Variants in MAP2K4 observed in about 807,000 individuals in gnomAD.
The protein encoded by MAP2K4 is mitogen-activated protein kinase kinase 4.
Under a neutral mutation model 48.5 loss-of-function variants are expected in MAP2K4, and 4 were observed. The observed-to-expected ratio is 0.08, with a 90% CI of 0.04 to 0.19. The LOEUF (loss-of-function observed/expected upper bound fraction) is 0.19, where lower values mean the gene tolerates loss of function less well. MAP2K4 is among the 10% of genes least tolerant of loss of function. The probability of loss-of-function intolerance (pLI) is 1.00; values close to 1 mark genes in which losing one functional copy is unlikely to be tolerated. For synonymous variants in MAP2K4, 166 were observed against 173.1 expected (o/e 0.96, Z 0.32); for missense variants, 258 against 493.3 (o/e 0.52, Z 4.52).
intron 2 of MAP2K4, among the ~76,000 whole-genome samples, chr17:12,070,499 G>A (rs1363963761): frequency 1.3e-5 from 2 of 152,144 alleles, no homozygotes; most frequent in East Asian, 1.9e-4. Flanking sequence ...TCTGGAAACA[G>A]AACTATAGGA....
chr17:12,054,212 T>G (rs1183335365), intron 1 of MAP2K4, among the ~76,000 whole-genome samples: 1 of 152,172 alleles, frequency 6.6e-6, no homozygotes, highest in Non-Finnish European at 1.5e-5. Flanking sequence ...CTTGGATTGA[T>G]AAGTTTATGT....
At chr17:12,128,376 C>T (rs1972922515) in intron 8 of MAP2K4, among the ~76,000 whole-genome samples, 1 of 152,156 alleles carries the variant, frequency 6.6e-6, no homozygotes, top group Non-Finnish European at 1.5e-5. Flanking sequence ...TGTGCCCGGC[C>T]TAATTGGTAG....
At chr17:12,068,992 A>G (rs907438765) in intron 2 of MAP2K4, among the ~76,000 whole-genome samples, 1 of 152,168 alleles carries the variant, frequency 6.6e-6, no homozygotes, top group Non-Finnish European at 1.5e-5. Flanking sequence ...AGAAAATCTA[A>G]CATTTAGAGG....
intron 10 of MAP2K4, 59 bp downstream of exon 10, chr17:12,139,943 G>T: frequency 1.6e-6 from 2 of 1,229,782 alleles, no homozygotes; most frequent in South Asian, 1.9e-5. Context: ...CTCTTAACAT[G>T]CTGGTTCACT....
At chr17:12,056,381 T>A (rs537645460) in intron 2 of MAP2K4, among the ~76,000 whole-genome samples, 1 of 152,194 alleles carries the variant, frequency 6.6e-6, no homozygotes, top group East Asian at 1.9e-4. Context: ...CAAAATTTTT[T>A]AAAAAATAGT....
intron 2 of MAP2K4, among the ~76,000 whole-genome samples, chr17:12,063,221 C>T (rs766654049): frequency 1.3e-5 from 2 of 152,148 alleles, no homozygotes; most frequent in African/African-American, 2.4e-5. Context: ...TCAAGGTTAT[C>T]TGTAACACAG....
At chr17:12,053,502 A>G (rs1006737176) in intron 1 of MAP2K4, among the ~76,000 whole-genome samples, 1 of 149,228 alleles carries the variant, frequency 6.7e-6, no homozygotes, top group Non-Finnish European at 1.5e-5. Context: ...CCCAAGGTTC[A>G]ATTTTTTTTT....
At position 12,022,871 on chromosome 17, in the gene MAP2K4, C is replaced by T. The variant is rs1373885919; in HGVS notation, c.115+1870C>T. On this transcript the variant is annotated intron_variant, in intron 1 of 10. Coordinates refer to ENST00000353533, the MANE Select transcript of MAP2K4 (RefSeq NM_003010.4). ...GAGAAGGCTTGTCTGGAAAGCTAAC[C>T]CTCTTTTACCTGAAGACGGTTCTAG... Among the ~76,000 whole-genome samples the T allele has an allele frequency of 2.6e-5, 4 of 152,266 alleles. No homozygotes were observed. In the East Asian group the frequency reaches 7.7e-4, roughly 29 times the overall value.
intron 4 of MAP2K4, among the ~76,000 whole-genome samples, chr17:12,100,603 G>A (rs1971907479): frequency 6.6e-6 from 1 of 152,114 alleles, no homozygotes; most frequent in Non-Finnish European, 1.5e-5. Context: ...GGATCATATG[G>A]TAGGTGTATG....
chr17:12,034,747 G>A (rs1020257934), intron 1 of MAP2K4, among the ~76,000 whole-genome samples: 3 of 152,204 alleles, frequency 2.0e-5, no homozygotes, highest in Admixed American at 6.5e-5. Flanking sequence ...GGTGAGGATG[G>A]TGCAGGAGTG....
At chr17:12,026,568 G>C (rs980470785) in intron 1 of MAP2K4, among the ~76,000 whole-genome samples, 1 of 152,150 alleles carries the variant, frequency 6.6e-6, no homozygotes, top group Non-Finnish European at 1.5e-5. Context: ...ATAGATGAGG[G>C]GGTAGACGTT....
intron 1 of MAP2K4, among the ~76,000 whole-genome samples, chr17:12,022,903 G>A (rs1969134612): frequency 6.6e-6 from 1 of 152,214 alleles, no homozygotes; most frequent in Non-Finnish European, 1.5e-5. Context: ...CTAGGCAGAG[G>A]AACTGTGTGT....
At chr17:12,139,994 A>T in intron 10 of MAP2K4, 110 bp downstream of exon 10, 1 of 620,820 alleles carries the variant, frequency 1.6e-6, no homozygotes, top group Admixed American at 3.0e-5. Context: ...AAACATCTCA[A>T]ATTTATTGAG....
intron 2 of MAP2K4, among the ~76,000 whole-genome samples, chr17:12,078,766 A>T (rs564003780): frequency 6.0e-4 from 91 of 152,268 alleles, no homozygotes; most frequent in African/African-American, 2.1e-3. Context: ...TTAGGACAGA[A>T]ATTGATTGAC....
chr17:12,021,335 C>T (rs1161344780), intron 1 of MAP2K4: 2 of 167,658 alleles, frequency 1.2e-5, no homozygotes, highest in African/African-American at 2.4e-5. Flanking sequence ...GGCGCCCGCC[C>T]GGCCCCCGTT....
At chr17:12,129,069 G>A in intron 8 of MAP2K4, 70 bp from the exon 9 acceptor site, 2 of 1,486,082 alleles carry the variant, frequency 1.3e-6, no homozygotes, top group African/African-American at 1.4e-5. Context: ...AGATTTTTTT[G>A]TGGCCCTTCC....
chr17:12,042,508 G>T (rs1055370269), intron 1 of MAP2K4, among the ~76,000 whole-genome samples: 3 of 152,076 alleles, frequency 2.0e-5, no homozygotes, highest in Non-Finnish European at 2.9e-5. Flanking sequence ...TTAGCTAGGC[G>T]TGGTGGCCTG....
chr17:12,109,272 G>A (rs966330389), intron 5 of MAP2K4, among the ~76,000 whole-genome samples: 4 of 152,014 alleles, frequency 2.6e-5, no homozygotes, highest in Non-Finnish European at 5.9e-5. Context: ...ATCATATATT[G>A]CAATATAAAG....
chr17:12,120,277 A>C (rs1247911755), intron 7 of MAP2K4, among the ~76,000 whole-genome samples: 1 of 152,052 alleles, frequency 6.6e-6, no homozygotes, highest in African/African-American at 2.4e-5. Context: ...CCTGGCCAAC[A>C]TGTGAAACCC....
Sources: gnomAD v4.1 joint callset for allele counts (sites outside exome capture counted in the v4.1 genomes callset) on GRCh38, gnomAD v4.1.1 for gene constraint, MANE v1.5 for transcripts, NCBI Gene and HGNC (gene_info 2026-07-23, HGNC 2026-07-21) for gene names.